The following AGBL1 variants were observed in gnomAD, a reference collection of about 807,000 sequenced individuals.
AGBL1 encodes AGBL carboxypeptidase 1, also known as cytosolic carboxypeptidase 4.
In AGBL1, 130 loss-of-function variants were observed where a neutral mutation model predicts 118.9. The ratio of observed to expected loss-of-function variants is 1.09; its 90% CI spans 0.95 to 1.26. The LOEUF (loss-of-function observed/expected upper bound fraction) is 1.26. AGBL1 is among the 50% of genes most tolerant of loss of function. The probability of loss-of-function intolerance (pLI) is 0.00; values close to 1 mark genes in which losing one functional copy is unlikely to be tolerated. For missense variants in AGBL1, 1,584 were observed against 1,298.1 expected (o/e 1.22, Z -3.38); for synonymous variants, 555 against 478.9 (o/e 1.16, Z -2.08).
chr15:86,221,071 G>C (rs1387227006), intron 5 of AGBL1, among the ~76,000 whole-genome samples: 2 of 152,110 alleles, frequency 1.3e-5, no homozygotes, highest in East Asian at 3.9e-4. Context: ...ATGGTGGCAT[G>C]CCTGTAATCC....
intron 22 of AGBL1, among the ~76,000 whole-genome samples, chr15:86,764,722 A>G (rs945394975): frequency 2.0e-5 from 3 of 152,076 alleles, no homozygotes; most frequent in Non-Finnish European, 2.9e-5. Flanking sequence ...TTTGCCTCAG[A>G]TGCTAAAGTT....
chr15:86,345,161 C>T (rs1201182453), intron 17 of AGBL1, among the ~76,000 whole-genome samples: 1 of 151,908 alleles, frequency 6.6e-6, no homozygotes, highest in Non-Finnish European at 1.5e-5. Context: ...TATTAACCAT[C>T]TTATTTTACC....
chr15:86,094,713 T>C (rs1184210652), intron 1 of AGBL1, among the ~76,000 whole-genome samples: 2 of 152,198 alleles, frequency 1.3e-5, no homozygotes, highest in Admixed American at 6.5e-5. Context: ...GGATGAAGGC[T>C]GCTTCCAGAT....
chr15:86,506,976 C>T (rs1440037566), intron 18 of AGBL1, among the ~76,000 whole-genome samples: 1 of 151,756 alleles, frequency 6.6e-6, no homozygotes, highest in African/African-American at 2.4e-5. Context: ...CTATGTTTAG[C>T]TTGAAGTGTA....
intron 24 of AGBL1, among the ~76,000 whole-genome samples, chr15:87,006,359 C>G (rs188329915): frequency 6.6e-6 from 1 of 152,122 alleles, no homozygotes; most frequent in African/African-American, 2.4e-5. Flanking sequence ...GCTTCCCTGC[C>G]GCTTTGTTTA....
At chr15:86,272,430 G>A (rs2079176442) in intron 15 of AGBL1, among the ~76,000 whole-genome samples, 1 of 152,162 alleles carries the variant, frequency 6.6e-6, no homozygotes, top group African/African-American at 2.4e-5. Flanking sequence ...TTAATTATTA[G>A]TTCAGTGCTA....
At chr15:86,664,402 T>G (rs2085603735) in intron 21 of AGBL1, among the ~76,000 whole-genome samples, 1 of 152,190 alleles carries the variant, frequency 6.6e-6, no homozygotes, top group Non-Finnish European at 1.5e-5. Context: ...AGTTTTAACT[T>G]CTCTGTTGGG....
At chr15:86,275,695 C>T (rs1004752724) in intron 15 of AGBL1, among the ~76,000 whole-genome samples, 2 of 152,254 alleles carry the variant, frequency 1.3e-5, no homozygotes, top group African/African-American at 4.8e-5. Flanking sequence ...GAAAGGCAAA[C>T]AAAAAGCCTT....
chr15:86,890,950 T>C (rs2080043878), intron 22 of AGBL1, among the ~76,000 whole-genome samples: 1 of 152,176 alleles, frequency 6.6e-6, no homozygotes. Context: ...AGTGGTAGTT[T>C]AATGGAAATA....
intron 18 of AGBL1, among the ~76,000 whole-genome samples, chr15:86,411,374 A>T (rs548721513): frequency 2.6e-5 from 4 of 152,250 alleles, no homozygotes; most frequent in African/African-American, 9.6e-5. Flanking sequence ...GAAGGCTGGC[A>T]TTGGAAAATT....
intron 22 of AGBL1, among the ~76,000 whole-genome samples, chr15:86,820,276 G>T (rs2141386315): frequency 6.6e-6 from 1 of 152,206 alleles, no homozygotes; most frequent in South Asian, 2.1e-4. Context: ...GGCAACAAAA[G>T]CCAAAATTGA....
intron 9 of AGBL1, chr15:86,262,546 G>A: frequency 1.8e-6 from 1 of 557,052 alleles, no homozygotes. Context: ...TATTTCTGAT[G>A]AAGGCTGATA....
At chr15:86,525,494 CTA>C (rs1416090189) in intron 19 of AGBL1, among the ~76,000 whole-genome samples, 2 of 152,124 alleles carry the variant, frequency 1.3e-5, no homozygotes, top group African/African-American at 4.8e-5. Flanking sequence ...TACTACCAGT[CTA>C]TATTTACCAA....
chr15:86,711,109 C>T (rs2086548531), intron 22 of AGBL1, among the ~76,000 whole-genome samples: 1 of 152,090 alleles, frequency 6.6e-6, no homozygotes. Context: ...AATATGCTGT[C>T]AAGACTGTGG....
intron 22 of AGBL1, among the ~76,000 whole-genome samples, chr15:86,878,986 G>C (rs1466046002): frequency 2.0e-5 from 3 of 152,338 alleles, no homozygotes; most frequent in Admixed American, 2.0e-4. Flanking sequence ...ACCTGGTTGT[G>C]ACAGGAGAAC....
chr15:86,731,018 A>G (rs920227237), intron 22 of AGBL1, among the ~76,000 whole-genome samples: 3 of 151,924 alleles, frequency 2.0e-5, no homozygotes, highest in African/African-American at 7.3e-5. Context: ...TTTAATAGAG[A>G]CATGGTTTCA....
intron 22 of AGBL1, among the ~76,000 whole-genome samples, chr15:86,684,463 C>CTTTTTTTT (rs11436174): frequency 6.8e-6 from 1 of 145,998 alleles, no homozygotes; most frequent in African/African-American, 2.5e-5. Context: ...ATAGTTCTCT[C>CTTTTTTTT]TTTTTTTTTT....
At chr15:86,213,255 A>T (rs1280785518) in intron 5 of AGBL1, among the ~76,000 whole-genome samples, 1 of 152,234 alleles carries the variant, frequency 6.6e-6, no homozygotes, top group Admixed American at 6.5e-5. Context: ...TCATGGAACT[A>T]CTGGGAGGCA....
At chr15:86,408,587 T>C (rs1009784291) in intron 18 of AGBL1, among the ~76,000 whole-genome samples, 2 of 152,212 alleles carry the variant, frequency 1.3e-5, no homozygotes, top group Non-Finnish European at 2.9e-5. Context: ...TTTTGTACTG[T>C]TTGAAACAGA....
Sources: allele counts gnomAD v4.1 joint callset (sites outside exome capture counted in the v4.1 genomes callset), GRCh38; gene constraint gnomAD v4.1.1; transcripts MANE v1.5; gene names NCBI Gene and HGNC (gene_info 2026-07-23, HGNC 2026-07-21).